The following ASIC2 variants were observed in gnomAD, a reference collection of about 807,000 sequenced individuals.
ASIC2 encodes acid-sensing ion channel 2.
ASIC2 carries 25 observed loss-of-function variants against 57.3 expected under a neutral mutation model. The observed-to-expected ratio is 0.44, with a 90% CI of 0.32 to 0.61. The LOEUF is 0.61. Among genes scored for constraint, ASIC2 ranks in the 20% least tolerant of loss-of-function variants. ASIC2 has a pLI of 0.06. For synonymous variants in ASIC2, 319 were observed against 307.5 expected (o/e 1.04, Z -0.39); for missense variants, 641 against 738.1 (o/e 0.87, Z 1.52).
At chr17:33,896,377 G>T (rs1314302931) in intron 1 of ASIC2, among the ~76,000 whole-genome samples, 1 of 152,156 alleles carries the variant, frequency 6.6e-6, no homozygotes, top group African/African-American at 2.4e-5. Context: ...TCCATCAGAT[G>T]TTTTTTTGGG....
At chr17:33,748,059 G>T (rs185990516) in intron 1 of ASIC2, among the ~76,000 whole-genome samples, 1 of 152,242 alleles carries the variant, frequency 6.6e-6, no homozygotes, top group Non-Finnish European at 1.5e-5. Context: ...AAGGTTAAGC[G>T]ACTTGCTAGA....
At chr17:33,592,312 G>T (rs528681345) in intron 1 of ASIC2, among the ~76,000 whole-genome samples, 1 of 152,352 alleles carries the variant, frequency 6.6e-6, no homozygotes, top group African/African-American at 2.4e-5. Flanking sequence ...CTGTCCGATG[G>T]TTAACTTAGT....
intron 1 of ASIC2, among the ~76,000 whole-genome samples, chr17:33,678,865 C>T (rs1314973543): frequency 6.6e-6 from 1 of 152,084 alleles, no homozygotes; most frequent in Non-Finnish European, 1.5e-5. Flanking sequence ...TCACTACCAC[C>T]CTGGGAGACA....
rs139969920 is a variant in ASIC2 at position 33,368,558 on chromosome 17, G to A, written c.556-256491C>T. ...GGATTTTGGGGAAATTTCTTATGCA[G>A]CATTAGATAATCAAAACAAACAAGG... is the stretch of plus-strand genomic sequence containing the variant. On this transcript the variant is annotated intron_variant, in intron 1 of 9. Transcript: ENST00000359872. Among the ~76,000 whole-genome samples, 342 of 152,276 alleles carry A rather than the reference G, an allele frequency of 2.2e-3. 1 individual carries two copies. The highest frequency in any genetic ancestry group is 6.8e-3 in the Middle Eastern group (2 of 294).
intron 1 of ASIC2, among the ~76,000 whole-genome samples, chr17:34,060,448 C>A (rs1014708380): frequency 7.9e-5 from 12 of 152,138 alleles, no homozygotes; most frequent in African/African-American, 2.9e-4. Flanking sequence ...TTCAACACCT[C>A]CCAAAAAATC....
chr17:33,575,994 A>G (rs1188185741), intron 1 of ASIC2, among the ~76,000 whole-genome samples: 2 of 152,218 alleles, frequency 1.3e-5, no homozygotes, highest in Non-Finnish European at 2.9e-5. Flanking sequence ...ATTTATTTAT[A>G]GCGATCCAAT....
intron 1 of ASIC2, among the ~76,000 whole-genome samples, chr17:34,096,611 T>G (rs1309005340): frequency 1.3e-5 from 2 of 151,968 alleles, no homozygotes. Flanking sequence ...TGCCAGCACT[T>G]TGGGAGGCCC....
chr17:33,026,514 G>A (rs12944197), intron 4 of ASIC2, among the ~76,000 whole-genome samples: 21,302 of 152,230 alleles, frequency 0.14, 1,591 homozygotes, highest in South Asian at 0.17. Flanking sequence ...AGAGCCTGGA[G>A]CTCTTCTCAG....
chr17:33,486,061 C>G (rs1007100819), intron 1 of ASIC2, among the ~76,000 whole-genome samples: 5 of 152,208 alleles, frequency 3.3e-5, no homozygotes, highest in African/African-American at 1.2e-4. Flanking sequence ...TCCCCTCTCT[C>G]CCTTCCTGAT....
At chr17:33,322,291 G>A (rs1194548454) in intron 1 of ASIC2, among the ~76,000 whole-genome samples, 1 of 152,160 alleles carries the variant, frequency 6.6e-6, no homozygotes, top group East Asian at 1.9e-4. Flanking sequence ...CCTTCCGAGT[G>A]ACAGTAGCAA....
chr17:33,017,394 G>A (rs1192770624), intron 8 of ASIC2, among the ~76,000 whole-genome samples: 1 of 152,134 alleles, frequency 6.6e-6, no homozygotes, highest in East Asian at 1.9e-4. Flanking sequence ...ATAGGCCTGT[G>A]TTTCTCTTAC....
intron 1 of ASIC2, chr17:33,530,023 C>T (rs185505652): frequency 6.6e-6 from 1 of 152,230 alleles, no homozygotes; most frequent in Admixed American, 6.5e-5. Context: ...TGGCCTAGTA[C>T]AAAGTAGGTC....
chr17:33,711,026 C>A (rs1909017617), intron 1 of ASIC2, among the ~76,000 whole-genome samples: 1 of 152,162 alleles, frequency 6.6e-6, no homozygotes, highest in South Asian at 2.1e-4. Flanking sequence ...TCATGGCTCA[C>A]TGCAGCCTCC....
chr17:34,114,394 G>GT (rs1389870810), intron 1 of ASIC2, among the ~76,000 whole-genome samples: 4 of 152,164 alleles, frequency 2.6e-5, no homozygotes, highest in Non-Finnish European at 5.9e-5. Context: ...GGGAAGGTCT[G>GT]TGAGGGTGAG....
chr17:33,413,380 C>A (rs565013079), intron 1 of ASIC2, among the ~76,000 whole-genome samples: 1 of 152,196 alleles, frequency 6.6e-6, no homozygotes, highest in Non-Finnish European at 1.5e-5. Flanking sequence ...AATCAACAAG[C>A]TTTCTTAAAT....
intron 1 of ASIC2, among the ~76,000 whole-genome samples, chr17:33,286,763 T>C (rs1344802548): frequency 1.3e-5 from 2 of 152,178 alleles, no homozygotes; most frequent in African/African-American, 4.8e-5. Context: ...ACAGCACCTC[T>C]GTACGCTCCT....
intron 1 of ASIC2, among the ~76,000 whole-genome samples, chr17:34,111,419 T>C (rs1272697923): frequency 3.3e-5 from 5 of 151,692 alleles, no homozygotes; most frequent in East Asian, 1.9e-4. Flanking sequence ...ACAGCATAAA[T>C]TGTCCTAACC....
chr17:33,577,037 A>G (rs1916646835), intron 1 of ASIC2, among the ~76,000 whole-genome samples: 1 of 152,130 alleles, frequency 6.6e-6, no homozygotes, highest in South Asian at 2.1e-4. Context: ...CTCTTTGTTG[A>G]CTTTGAGCCT....
chr17:33,092,668 G>A (rs918902163), intron 2 of ASIC2, among the ~76,000 whole-genome samples: 1 of 152,224 alleles, frequency 6.6e-6, no homozygotes, highest in Non-Finnish European at 1.5e-5. Flanking sequence ...GTCAAGAGCA[G>A]AGCAGGGGCT....
Sources: allele counts gnomAD v4.1 joint callset (sites outside exome capture counted in the v4.1 genomes callset), GRCh38; gene constraint gnomAD v4.1.1; transcripts MANE v1.5; gene names NCBI Gene and HGNC (gene_info 2026-07-23, HGNC 2026-07-21).